Variants in POU6F2 observed in about 807,000 individuals in gnomAD.
The protein encoded by POU6F2 is POU class 6 homeobox 2.
In POU6F2, 31 loss-of-function variants were observed where a neutral mutation model predicts 71.3. The observed-to-expected ratio is 0.43, with a 90% confidence interval of 0.33 to 0.59. POU6F2 has a LOEUF of 0.59. POU6F2 is among the 20% of genes least tolerant of loss of function. POU6F2 has a pLI of 0.04. For missense variants in POU6F2, 783 were observed against 856.8 expected, an observed-to-expected ratio of 0.91 and a Z score of 1.07; for synonymous variants, 347 against 355.7, an observed-to-expected ratio of 0.98 and a Z score of 0.27.
At chr7:39,301,972 C>T (rs989045803) in intron 4 of POU6F2, among the ~76,000 whole-genome samples, 1 of 152,036 alleles carries the variant, frequency 6.6e-6, no homozygotes, top group African/African-American at 2.4e-5. Flanking sequence ...AATTCTTCCT[C>T]TTTATTTGTT....
At chr7:39,427,028 C>T (rs17712902) in intron 6 of POU6F2, among the ~76,000 whole-genome samples, 9,929 of 152,262 alleles carry the variant, frequency 0.065, 402 homozygotes, top group East Asian at 0.091. Context: ...TCATGGTAAA[C>T]AATTTCCACT....
rs181184246 is a variant in POU6F2, at chr7:39,383,792, T to A, written c.973-22808T>A. Among the ~76,000 whole-genome samples the A allele has an allele frequency of 9.1e-4, 139 of 152,318 alleles. 1 individual carries two copies. Among genetic ancestry groups the A allele is most frequent in the African/African-American group, 3.2e-3 (131 of 41,568 alleles). Reference sequence around the variant, plus strand: ...AAGCTACAGCCATTACCAAACCTACTGAGAAAGTACATCTTTTCCAAAGTC... The same window carrying A: ...AAGCTACAGCCATTACCAAACCTACAGAGAAAGTACATCTTTTCCAAAGTC... On this transcript the variant is annotated intron_variant, in intron 5 of 9. Transcript: ENST00000518318.
chr7:39,099,370 G>A (rs920273602), intron 2 of POU6F2, among the ~76,000 whole-genome samples: 8 of 152,292 alleles, frequency 5.3e-5, no homozygotes, highest in Middle Eastern at 3.4e-3. Context: ...AGGGGCATCC[G>A]CTGTCCCTCC....
chr7:39,217,079 G>T (rs1263390555), intron 4 of POU6F2, among the ~76,000 whole-genome samples: 1 of 152,040 alleles, frequency 6.6e-6, no homozygotes, highest in Non-Finnish European at 1.5e-5. Context: ...TATTCATTAA[G>T]GTGGAAGGCC....
At chr7:39,188,972 A>T (rs899063789) in intron 2 of POU6F2, among the ~76,000 whole-genome samples, 26 of 152,224 alleles carry the variant, frequency 1.7e-4, no homozygotes, top group African/African-American at 6.0e-4. Flanking sequence ...CTGTACAAAA[A>T]TTGTATAATT....
At chr7:39,334,565 A>G (rs1201801502) in intron 4 of POU6F2, among the ~76,000 whole-genome samples, 1 of 152,044 alleles carries the variant, frequency 6.6e-6, no homozygotes. Flanking sequence ...CACCTTCTAC[A>G]CTTTTTCAAA....
chr7:39,410,021 T>C (rs915738598), intron 6 of POU6F2, among the ~76,000 whole-genome samples: 4 of 152,196 alleles, frequency 2.6e-5, no homozygotes, highest in Admixed American at 2.0e-4. Flanking sequence ...TCAATAGAGT[T>C]ATGAATTTGA....
chr7:39,230,649 G>T (rs1363836824), intron 4 of POU6F2, among the ~76,000 whole-genome samples: 1 of 152,122 alleles, frequency 6.6e-6, no homozygotes, highest in African/African-American at 2.4e-5. Context: ...GAATTTGCAG[G>T]TAAATCTAGA....
At chr7:39,331,791 G>A (rs1013281861) in intron 4 of POU6F2, among the ~76,000 whole-genome samples, 2 of 152,194 alleles carry the variant, frequency 1.3e-5, no homozygotes, top group East Asian at 1.9e-4. Context: ...GATTACAGGC[G>A]TGAGCCACCG....
intron 1 of POU6F2, among the ~76,000 whole-genome samples, chr7:39,077,522 A>T (rs1791025604): frequency 6.6e-6 from 1 of 152,172 alleles, no homozygotes; most frequent in African/African-American, 2.4e-5. Flanking sequence ...TTTCATTATC[A>T]ATTGGAGTAG....
At chr7:39,390,613 T>A (rs1233183813) in intron 5 of POU6F2, among the ~76,000 whole-genome samples, 1 of 152,176 alleles carries the variant, frequency 6.6e-6, no homozygotes. Flanking sequence ...GTCCTTCCTT[T>A]AGCTGTAGTT....
chr7:39,101,025 C>T, intron 2 of POU6F2, among the ~76,000 whole-genome samples: 1 of 151,940 alleles, frequency 6.6e-6, no homozygotes, highest in African/African-American at 2.4e-5. Context: ...TTCCAACCAC[C>T]ATCTAGATCT....
At chr7:39,202,724 C>T (rs1793934997) in intron 2 of POU6F2, among the ~76,000 whole-genome samples, 1 of 152,186 alleles carries the variant, frequency 6.6e-6, no homozygotes, top group Non-Finnish European at 1.5e-5. Flanking sequence ...GTCTTCTGCA[C>T]ATTATGAGGA....
chr7:39,187,364 A>G (rs1204089090), intron 2 of POU6F2, among the ~76,000 whole-genome samples: 2 of 152,026 alleles, frequency 1.3e-5, no homozygotes, highest in Non-Finnish European at 2.9e-5. Context: ...CAAACCCCAA[A>G]CCCTGACTGC....
chr7:38,994,833 C>T (rs1788693540), intron 1 of POU6F2, among the ~76,000 whole-genome samples: 2 of 152,136 alleles, frequency 1.3e-5, no homozygotes, highest in Admixed American at 1.3e-4. Flanking sequence ...ACCTAAAAAC[C>T]TGCCATTTTG....
intron 6 of POU6F2, among the ~76,000 whole-genome samples, chr7:39,422,003 C>T (rs768786759): frequency 6.6e-6 from 1 of 152,146 alleles, no homozygotes; most frequent in African/African-American, 2.4e-5. Flanking sequence ...TTGGTCTTTC[C>T]GCAAAATGAT....
At chr7:39,208,738 G>A (rs1299394797) in intron 4 of POU6F2, among the ~76,000 whole-genome samples, 1 of 152,150 alleles carries the variant, frequency 6.6e-6, no homozygotes, top group Non-Finnish European at 1.5e-5. Flanking sequence ...AATCATGCAT[G>A]CCCAGGATAC....
At chr7:39,449,209 C>A (rs558372969) in intron 7 of POU6F2, among the ~76,000 whole-genome samples, 1 of 152,148 alleles carries the variant, frequency 6.6e-6, no homozygotes, top group Non-Finnish European at 1.5e-5. Context: ...AGCCTGGATT[C>A]TCATGTTCAG....
chr7:39,280,888 T>C (rs969750850), intron 4 of POU6F2, among the ~76,000 whole-genome samples: 1 of 152,230 alleles, frequency 6.6e-6, no homozygotes, highest in African/African-American at 2.4e-5. Flanking sequence ...GTGATGATGC[T>C]CACAAGTTGG....
Sources: gnomAD v4.1 joint callset for allele counts (sites outside exome capture counted in the v4.1 genomes callset) on GRCh38, gnomAD v4.1.1 for gene constraint, MANE v1.5 for transcripts, NCBI Gene and HGNC (gene_info 2026-07-23, HGNC 2026-07-21) for gene names.